The following CFAP221 variants were observed in gnomAD, a reference collection of about 807,000 sequenced individuals.
The protein encoded by CFAP221 is cilia- and flagella-associated protein 221.
In CFAP221, 97 loss-of-function variants were observed where a neutral mutation model predicts 113.1. The observed-to-expected ratio is 0.86, with a 90% CI of 0.73 to 1.02. The LOEUF (loss-of-function observed/expected upper bound fraction) is 1.02, where lower values mean the gene tolerates loss of function less well. CFAP221 is among the 50% of genes least tolerant of loss of function. The pLI, the probability that CFAP221 is intolerant of heterozygous loss-of-function variation, is 0.00. For synonymous variants in CFAP221, 331 were observed against 354.4 expected, an observed-to-expected ratio of 0.93 and a Z score of 0.74; for missense variants, 1,025 against 1,013.4, an observed-to-expected ratio of 1.01 and a Z score of -0.16.
At chr2:119,597,843 T>G (rs1286866367) in intron 7 of CFAP221, among the ~76,000 whole-genome samples, 1 of 152,216 alleles carries the variant, frequency 6.6e-6, no homozygotes, top group Admixed American at 6.5e-5. Flanking sequence ...TAGACTCCTA[T>G]GCTTTGGTTG....
rs537230479 is a variant in CFAP221, at chr2:119,614,857, T to A, written c.1312-754T>A. Reference sequence around the variant, plus strand: ...CCATATCTGAATTATTTTTACCACATTTCTCCCTGCCCTCCTCCTCACTAG... The same window carrying A: ...CCATATCTGAATTATTTTTACCACAATTCTCCCTGCCCTCCTCCTCACTAG... On this transcript the variant is annotated intron_variant, in intron 13 of 23. Coordinates refer to ENST00000413369, the MANE Select transcript of CFAP221 (RefSeq NM_001271049.2). 1.6e-4 allele frequency among the ~76,000 whole-genome samples: 24 copies of A among 152,344 alleles called. 1 individual carries two copies. The highest frequency in any genetic ancestry group is 5.3e-4 in the African/African-American group (22 of 41,588).
rs970054266 is a variant in CFAP221, at chr2:119,605,144, G to A, written c.1025-37G>A. 6.4e-6 allele frequency: 10 copies of A among 1,555,870 alleles called. No individual in the cohort carries two copies. The East Asian group carries it at 9.0e-5, about 14-fold the overall frequency. On this transcript the variant is annotated intron_variant, in intron 10 of 23. Transcript: ENST00000413369. The stretch of plus-strand genomic sequence containing the variant: ...TTCTCTCCGCACATGATTTTAATCT[G>A]ATTACTGGTATAAACATTGTCTGCT...
chr2:119,557,811 C>G (rs886544441), intron 3 of CFAP221, among the ~76,000 whole-genome samples: 2 of 152,034 alleles, frequency 1.3e-5, no homozygotes, highest in Non-Finnish European at 2.9e-5. Context: ...CCAGCCTGAC[C>G]AACATGGTGA....
intron 7 of CFAP221, among the ~76,000 whole-genome samples, chr2:119,600,897 A>T (rs1684320881): frequency 1.3e-5 from 2 of 152,218 alleles, no homozygotes; most frequent in African/African-American, 4.8e-5. Flanking sequence ...ACTTCCACTT[A>T]ATGAATAACA....
At position 119,586,878 on chromosome 2, in the gene CFAP221, CCT is replaced by C. The variant is rs1683262160; in HGVS notation, c.528-236_528-235del. ...ATGTCACCTTGTGTGGAACACTTAC[CCT>C]CTCTTGTGCCTCAGTTTCCTCTTCT... On this transcript the variant is annotated intron_variant, in intron 6 of 23. Coordinates refer to ENST00000413369, the MANE Select transcript of CFAP221 (RefSeq NM_001271049.2). 4 of 372,412 alleles carry C rather than the reference CCT, an allele frequency of 1.1e-5. No individual in the cohort carries two copies. In the East Asian group the frequency reaches 1.8e-4, roughly 17 times the overall value. The allele number at this position is 372,412 out of a possible 1,614,324, so 23.1% of individuals were successfully genotyped here. A position where few individuals can be genotyped will look rare whatever the true frequency, so the allele number is the denominator to read the frequency against.
intron 14 of CFAP221, among the ~76,000 whole-genome samples, chr2:119,616,450 G>C (rs2104716389): frequency 1.3e-5 from 2 of 152,306 alleles, no homozygotes; most frequent in Middle Eastern, 6.8e-3. Context: ...ATGTCTGAGG[G>C]ATCGTACCTC....
chr2:119,641,935 TG>T (rs1687517790), intron 21 of CFAP221, among the ~76,000 whole-genome samples: 1 of 152,132 alleles, frequency 6.6e-6, no homozygotes, highest in African/African-American at 2.4e-5. Context: ...GTTGTCAGCG[TG>T]TACCGTTCTT....
intron 6 of CFAP221, among the ~76,000 whole-genome samples, chr2:119,567,861 T>C (rs1019659742): frequency 3.3e-5 from 5 of 152,246 alleles, no homozygotes; most frequent in Non-Finnish European, 7.3e-5. Context: ...CTTTTTATCT[T>C]CCACTATTTA....
chr2:119,614,150 C>T (rs192250249), intron 13 of CFAP221, among the ~76,000 whole-genome samples: 1 of 152,340 alleles, frequency 6.6e-6, no homozygotes, highest in East Asian at 1.9e-4. Flanking sequence ...TCATCTCCAC[C>T]TGAGACCACC....
chr2:119,647,586 G>A (rs1156281231), intron 22 of CFAP221, among the ~76,000 whole-genome samples: 1 of 152,134 alleles, frequency 6.6e-6, no homozygotes, highest in Non-Finnish European at 1.5e-5. Flanking sequence ...TCCATCATGA[G>A]CACCACAGCA....
In CFAP221 at chr2:119,603,142, A is replaced by T. The variant is rs149925893; in HGVS notation, c.792-1530A>T. Among the ~76,000 whole-genome samples, 121 of 152,272 alleles carry T rather than the reference A, an allele frequency of 7.9e-4. 2 individuals carry two copies. The highest frequency in any genetic ancestry group is 2.7e-3 in the African/African-American group (114 of 41,554). ...GAAATTTTCATAGATTGCTTTCTTCATTTCATTATAGGGTGTGTGATAGAC... is the reference window on the plus strand; with the variant it reads ...GAAATTTTCATAGATTGCTTTCTTCTTTTCATTATAGGGTGTGTGATAGAC... On this transcript the variant is annotated intron_variant, in intron 8 of 23. Transcript: ENST00000413369.
chr2:119,632,767 A>C (rs1014424478), intron 19 of CFAP221, among the ~76,000 whole-genome samples: 1 of 152,118 alleles, frequency 6.6e-6, no homozygotes, highest in African/African-American at 2.4e-5. Context: ...AAACTACTAA[A>C]ATTAATAAGG....
chr2:119,630,451 A>G (rs1408558495), intron 17 of CFAP221, 119 bp from the exon 18 acceptor site: 1 of 739,086 alleles, frequency 1.4e-6, no homozygotes, highest in Non-Finnish European at 2.3e-6. Context: ...TCCGATGACT[A>G]CAACATGGTG....
chr2:119,574,220 C>A (rs902519953), intron 6 of CFAP221, among the ~76,000 whole-genome samples: 1 of 152,122 alleles, frequency 6.6e-6, no homozygotes, highest in Non-Finnish European at 1.5e-5. Context: ...CTGGGAACAA[C>A]GTCTAGAGCA....
chr2:119,560,493 T>C (rs1681167799), intron 5 of CFAP221, among the ~76,000 whole-genome samples: 1 of 152,176 alleles, frequency 6.6e-6, no homozygotes, highest in Non-Finnish European at 1.5e-5. Context: ...AGGTGGGGAC[T>C]GTTTGAGTTC....
intron 6 of CFAP221, among the ~76,000 whole-genome samples, chr2:119,576,723 G>A (rs539582603): frequency 6.6e-6 from 1 of 152,290 alleles, no homozygotes; most frequent in African/African-American, 2.4e-5. Flanking sequence ...AGCAACACAG[G>A]AAAGTTCAAA....
intron 19 of CFAP221, among the ~76,000 whole-genome samples, chr2:119,633,940 C>T (rs1055857594): frequency 6.6e-6 from 1 of 152,328 alleles, no homozygotes; most frequent in East Asian, 1.9e-4. Context: ...AAATACAGAA[C>T]TGCCATATGA....
chr2:119,612,122 A>G (rs1414803575), intron 13 of CFAP221, among the ~76,000 whole-genome samples: 4 of 152,220 alleles, frequency 2.6e-5, no homozygotes, highest in African/African-American at 9.7e-5. Context: ...GTCAGAAGCC[A>G]GAGTCCTAGT....
At chr2:119,548,926 G>C (rs1167546793) in intron 2 of CFAP221, among the ~76,000 whole-genome samples, 159 bp from the exon 3 acceptor site, 1 of 152,180 alleles carries the variant, frequency 6.6e-6, no homozygotes, top group African/African-American at 2.4e-5. Context: ...AGTTTATTTA[G>C]AACAGATAAT....
Sources: allele counts gnomAD v4.1 joint callset (sites outside exome capture counted in the v4.1 genomes callset), GRCh38; gene constraint gnomAD v4.1.1; transcripts MANE v1.5; gene names NCBI Gene and HGNC (gene_info 2026-07-23, HGNC 2026-07-21).